The following SFMBT1 variants were observed in gnomAD, a reference collection of about 807,000 sequenced individuals.
SFMBT1 encodes scm-like with four MBT domains protein 1.
In SFMBT1, 32 loss-of-function variants were observed where a neutral mutation model predicts 108.7. That is an observed-to-expected ratio of 0.29 (90% CI 0.22 to 0.40). The LOEUF is 0.40. Among genes scored for constraint, SFMBT1 ranks in the 10% least tolerant of loss-of-function variants. The probability of loss-of-function intolerance (pLI) is 1.00; values close to 1 mark genes in which losing one functional copy is unlikely to be tolerated. For synonymous variants in SFMBT1, 348 were observed against 369.5 expected (o/e 0.94, Z 0.67); for missense variants, 816 against 1,059.6 (o/e 0.77, Z 3.19).
intron 12 of SFMBT1, 109 bp downstream of exon 12, chr3:52,920,428 C>T (rs994822754): frequency 1.3e-6 from 1 of 773,448 alleles, no homozygotes; most frequent in Non-Finnish European, 2.2e-6. Context: ...GAACAGAGAA[C>T]CAGAATGTCA....
In SFMBT1 at chr3:53,025,453, T is replaced by G. The variant is rs190464104; in HGVS notation, c.-131+20363A>C. Among the ~76,000 whole-genome samples the G allele has an allele frequency of 9.7e-4, 148 of 152,070 alleles. 1 individual carries two copies. Among genetic ancestry groups the G allele is most frequent in the African/African-American group, 3.5e-3 (144 of 41,492 alleles). On this transcript the variant is annotated intron_variant, in intron 1 of 20. Transcript: ENST00000394752. ...GGAGACTTTGTCTCTACAAAAAATT[T>G]TAAAAATTTAAAAATTAGCCAGGCA...
chr3:52,945,151 A>AAAAAAAC (rs1208407962), intron 3 of SFMBT1, among the ~76,000 whole-genome samples: 2 of 148,576 alleles, frequency 1.3e-5, no homozygotes, highest in Non-Finnish European at 3.0e-5. Context: ...AAAAAAAAAA[A>AAAAAAAC]CAAGGACTTC....
chr3:53,018,837 T>C (rs1415870792), intron 1 of SFMBT1, among the ~76,000 whole-genome samples: 1 of 152,164 alleles, frequency 6.6e-6, no homozygotes, highest in Middle Eastern at 3.2e-3. Flanking sequence ...GACACTACTC[T>C]CCTGGTTTTC....
At chr3:52,927,223 TTC>T (rs1702684534) in intron 9 of SFMBT1, among the ~76,000 whole-genome samples, 1 of 152,100 alleles carries the variant, frequency 6.6e-6, no homozygotes, top group Non-Finnish European at 1.5e-5. Context: ...CTCTAGGAAG[TTC>T]TGTTAATATT....
intron 2 of SFMBT1, among the ~76,000 whole-genome samples, chr3:52,959,551 T>C (rs924645402): frequency 6.6e-6 from 1 of 152,148 alleles, no homozygotes. Context: ...CCCTCTACAT[T>C]TGCTATCCCT....
At chr3:52,993,951 A>T (rs1698229286) in intron 1 of SFMBT1, among the ~76,000 whole-genome samples, 1 of 150,268 alleles carries the variant, frequency 6.7e-6, no homozygotes, top group African/African-American at 2.4e-5. Context: ...CGAAACTGTA[A>T]TTGGCTCTTA....
Position 52,910,990 on chromosome 3 carries a change from A to G in SFMBT1, c.1906+13T>C, listed in dbSNP as rs1702201205. On this transcript the variant is annotated intron_variant, in intron 17 of 20. Coordinates refer to ENST00000394752, the MANE Select transcript of SFMBT1 (RefSeq NM_016329.4). ...AGCTGCTATGGTTAACACATTGGAA[A>G]AACATGACTCACTGTATTTGGTCTT... 1 of 1,613,720 alleles carries G rather than the reference A, an allele frequency of 6.2e-7. No homozygotes were observed. The highest frequency in any genetic ancestry group is 1.7e-5 in the Admixed American group (1 of 60,002).
In SFMBT1 at chr3:52,907,611, G is replaced by T; in HGVS notation, c.2029C>A (p.His677Asn). 6.2e-7 allele frequency: 1 copy of T among 1,614,104 alleles called. No individual in the cohort carries two copies. Among genetic ancestry groups the T allele is most frequent in the African/African-American group, 1.3e-5 (1 of 75,038 alleles). The part of the protein sequence containing the change: ...RRKRRKNVFV[H>N]KKKRSSASVD... ...GATGCAGAGGAGCGTTTCTTCTTAT[G>T]AACAAAAACATTTTTCCGCCTCTTT... Residue 677 changes from histidine to asparagine, a missense_variant, in exon 18 of 21, where the codon CAT (histidine) becomes AAT (asparagine). His to Asn is a moderately conservative substitution (Grantham distance 68). Around this residue, in one of 5 missense-constraint regions of SFMBT1, gnomAD observed 177 missense variants for 182.0 expected, o/e 0.97. Coordinates refer to ENST00000394752, the MANE Select transcript of SFMBT1 (RefSeq NM_016329.4).
intron 2 of SFMBT1, among the ~76,000 whole-genome samples, chr3:52,968,047 T>A (rs527504090): frequency 6.6e-6 from 1 of 152,294 alleles, no homozygotes; most frequent in African/African-American, 2.4e-5. Context: ...ACAACCAAAA[T>A]GTACTACAAT....
chr3:53,005,178 A>C (rs543528653), intron 1 of SFMBT1, among the ~76,000 whole-genome samples: 1 of 152,360 alleles, frequency 6.6e-6, no homozygotes, highest in East Asian at 1.9e-4. Context: ...CAGTCCGTAC[A>C]CTTTGAGAGC....
chr3:52,941,840 A>G (rs904990671), intron 4 of SFMBT1, among the ~76,000 whole-genome samples: 1 of 152,162 alleles, frequency 6.6e-6, no homozygotes, highest in Non-Finnish European at 1.5e-5. Flanking sequence ...TCAAGGACAC[A>G]GTGAGCTAGG....
At chr3:52,962,906 G>T (rs966734282) in intron 2 of SFMBT1, among the ~76,000 whole-genome samples, 2 of 151,358 alleles carry the variant, frequency 1.3e-5, no homozygotes, top group African/African-American at 4.9e-5. Context: ...AACAACAGGA[G>T]AATAAATTAA....
At chr3:52,956,702 C>T (rs183242041) in intron 2 of SFMBT1, among the ~76,000 whole-genome samples, 34 of 150,804 alleles carry the variant, frequency 2.3e-4, no homozygotes, top group African/African-American at 6.8e-4. Context: ...TGGAGGTTGC[C>T]GTGAGCCGAG....
intron 10 of SFMBT1, among the ~76,000 whole-genome samples, chr3:52,924,897 G>A (rs1450163621): frequency 6.6e-6 from 1 of 152,098 alleles, no homozygotes; most frequent in Non-Finnish European, 1.5e-5. Context: ...TTATTATTGA[G>A]GATAAAAATT....
intron 2 of SFMBT1, among the ~76,000 whole-genome samples, chr3:52,964,203 CT>C (rs1306902957): frequency 6.6e-6 from 1 of 152,100 alleles, no homozygotes; most frequent in Non-Finnish European, 1.5e-5. Context: ...ATTTTCTTTA[CT>C]TTTCAAAAGA....
chr3:52,957,119 G>A (rs1244742441), intron 2 of SFMBT1, among the ~76,000 whole-genome samples: 3 of 152,190 alleles, frequency 2.0e-5, no homozygotes, highest in Non-Finnish European at 4.4e-5. Context: ...AGTAACTTCC[G>A]CAAAAATCTC....
In SFMBT1 at chr3:53,008,310, G is replaced by A. The variant is rs568569467; in HGVS notation, c.-131+37506C>T. Among the ~76,000 whole-genome samples the A allele has an allele frequency of 1.5e-3, 226 of 152,278 alleles. 2 individuals carry two copies. The highest frequency in any genetic ancestry group is 2.4e-3 in the Non-Finnish European group (164 of 68,022). ...GAGCATCAGGCGGACAACTCCAACG[G>A]TTCTGGAGAAGAAAACAAGTTTTCT... On this transcript the variant is annotated intron_variant, in intron 1 of 20. Coordinates refer to ENST00000394752, the MANE Select transcript of SFMBT1 (RefSeq NM_016329.4).
rs1702527987 is a variant in SFMBT1 at position 52,921,803 on chromosome 3, T to C, written c.1160A>G (p.Asn387Ser). 1 of 1,613,980 alleles carries C rather than the reference T, an allele frequency of 6.2e-7. No homozygotes were observed. Among genetic ancestry groups the C allele is most frequent in the Non-Finnish European group, 8.5e-7 (1 of 1,180,000 alleles). ...PLISEHEFKE[N>S]MKLEAVNPIL... The stretch of plus-strand genomic sequence containing the variant: ...GGGGTTCACCGCCTCGAGCTTCATG[T>C]TCTCCTTAAATTCATGTTCAGAAAT... Residue 387 changes from asparagine (N) to serine (S), a missense_variant, in exon 11 of 21, where the codon AAC becomes AGC. Asn to Ser is a conservative substitution (Grantham distance 46). This residue lies in a region of SFMBT1 where 495 missense variants were observed against 607.4 expected (regional missense o/e 0.81). Coordinates refer to ENST00000394752, the MANE Select transcript of SFMBT1 (RefSeq NM_016329.4).
chr3:52,988,963 A>AC (rs1334232480), intron 1 of SFMBT1, among the ~76,000 whole-genome samples: 1 of 152,144 alleles, frequency 6.6e-6, no homozygotes, highest in Non-Finnish European at 1.5e-5. Flanking sequence ...AGATTTCAGT[A>AC]CCCCCACACC....
Sources: allele counts gnomAD v4.1 joint callset (sites outside exome capture counted in the v4.1 genomes callset), GRCh38; gene constraint gnomAD v4.1.1; regional missense constraint gnomAD v4.1.1; transcripts MANE v1.5; gene names NCBI Gene and HGNC (gene_info 2026-07-23, HGNC 2026-07-21).